Variants in CACNA2D1 observed in about 807,000 individuals in gnomAD.
CACNA2D1 encodes voltage-dependent calcium channel subunit alpha-2/delta-1.
CACNA2D1 carries 53 observed loss-of-function variants against 171.5 expected under a neutral mutation model. The observed-to-expected ratio is 0.31, with a 90% CI of 0.25 to 0.39. The LOEUF (loss-of-function observed/expected upper bound fraction) is 0.39. Ranked by LOEUF, CACNA2D1 falls within the 10% of genes least tolerant of loss-of-function variation. The probability of loss-of-function intolerance (pLI) is 1.00; values close to 1 mark genes in which losing one functional copy is unlikely to be tolerated. For synonymous variants in CACNA2D1, 442 were observed against 443.1 expected (o/e 1.00, Z 0.03); for missense variants, 903 against 1,299.8 (o/e 0.69, Z 4.69).
At chr7:82,020,722 C>T (rs1801085917) in intron 12 of CACNA2D1, 1 of 151,932 alleles carries the variant, frequency 6.6e-6, no homozygotes, top group African/African-American at 2.4e-5. Flanking sequence ...GCAACAAACT[C>T]TAATGAAAAA....
In CACNA2D1 at chr7:82,414,464, G is replaced by A. The variant is rs77947737; in HGVS notation, c.95+28901C>T. 2.9e-3 allele frequency among the ~76,000 whole-genome samples: 445 copies of A among 152,216 alleles called. 3 individuals carry two copies. The highest frequency in any genetic ancestry group is 0.01 in the African/African-American group (417 of 41,542). Reference sequence around the variant, plus strand: ...GTGGTTAAGGAAACATGAAACAAACGTGGCGAAAGAAATAAATAGTGGGAA... The same window carrying A: ...GTGGTTAAGGAAACATGAAACAAACATGGCGAAAGAAATAAATAGTGGGAA... On this transcript the variant is annotated intron_variant, in intron 1 of 38. Transcript: ENST00000356860.
At chr7:82,314,313 T>C (rs1373222757) in intron 3 of CACNA2D1, among the ~76,000 whole-genome samples, 1 of 152,212 alleles carries the variant, frequency 6.6e-6, no homozygotes, top group African/African-American at 2.4e-5. Flanking sequence ...ACTCAACTTG[T>C]ATTCACAATG....
At chr7:82,430,387 C>T (rs1260006557) in intron 1 of CACNA2D1, among the ~76,000 whole-genome samples, 1 of 144,352 alleles carries the variant, frequency 6.9e-6, no homozygotes, top group Non-Finnish European at 1.5e-5. Flanking sequence ...AGTTGCACTC[C>T]AGCCTGGGTG....
intron 3 of CACNA2D1, among the ~76,000 whole-genome samples, chr7:82,190,038 A>G (rs1236616779): frequency 2.0e-5 from 3 of 151,950 alleles, no homozygotes; most frequent in Non-Finnish European, 2.9e-5. Flanking sequence ...CTTTGCCTTG[A>G]AACAATTCTG....
At chr7:82,219,998 GT>G in intron 3 of CACNA2D1, among the ~76,000 whole-genome samples, 1 of 151,984 alleles carries the variant, frequency 6.6e-6, no homozygotes, top group East Asian at 1.9e-4. Context: ...TAGATTCACT[GT>G]TTTTTTCCAT....
intron 6 of CACNA2D1, among the ~76,000 whole-genome samples, chr7:82,110,705 T>G (rs185958272): frequency 6.0e-4 from 91 of 152,276 alleles, no homozygotes; most frequent in East Asian, 1.5e-3. Flanking sequence ...TCTGTTTCCA[T>G]GGCCACAGCC....
At position 82,236,130 on chromosome 7, in the gene CACNA2D1, A is replaced by G. The variant is rs937250841; in HGVS notation, c.295-65521T>C. Among the ~76,000 whole-genome samples, 3 of 152,124 alleles carry G rather than the reference A, an allele frequency of 2.0e-5. No homozygotes were observed. The East Asian group carries it at 5.8e-4, about 29-fold the overall frequency. On this transcript the variant is annotated intron_variant, in intron 3 of 38. Coordinates refer to ENST00000356860, the MANE Select transcript of CACNA2D1 (RefSeq NM_000722.4). ...AGCACTTCCTTGTCGAGGGAAACCA[A>G]TATTTGAAAAGAAAAAGCAACCACG...
intron 3 of CACNA2D1, among the ~76,000 whole-genome samples, chr7:82,229,941 T>A (rs975924296): frequency 1.3e-5 from 2 of 152,212 alleles, no homozygotes; most frequent in Non-Finnish European, 2.9e-5. Context: ...CACAAAAATG[T>A]AGGTGAAGGA....
At chr7:82,065,756 T>C (rs1054197269) in intron 8 of CACNA2D1, among the ~76,000 whole-genome samples, 7 of 152,164 alleles carry the variant, frequency 4.6e-5, no homozygotes, top group African/African-American at 1.7e-4. Context: ...ATGTGTCTTT[T>C]CTCATGAATA....
chr7:82,387,545 A>C (rs556534465), intron 1 of CACNA2D1, among the ~76,000 whole-genome samples: 62 of 152,240 alleles, frequency 4.1e-4, no homozygotes, highest in African/African-American at 1.4e-3. Flanking sequence ...AAGGGTGATA[A>C]ATTTTATTTA....
At chr7:82,337,991 G>A (rs112963395) in intron 2 of CACNA2D1, among the ~76,000 whole-genome samples, 655 of 152,070 alleles carry the variant, frequency 4.3e-3, no homozygotes, top group Middle Eastern at 0.017. Context: ...CTAGATTATG[G>A]TTTGTGAGAT....
intron 1 of CACNA2D1, among the ~76,000 whole-genome samples, chr7:82,415,921 T>C (rs548066020): frequency 1.2e-4 from 18 of 151,954 alleles, no homozygotes; most frequent in African/African-American, 4.1e-4. Flanking sequence ...ATTTTAGAAT[T>C]CCTTTAGAAT....
At chr7:81,959,966 G>A in intron 36 of CACNA2D1, 137 bp from the exon 37 acceptor site, 1 of 1,345,868 alleles carries the variant, frequency 7.4e-7, no homozygotes, top group Non-Finnish European at 1.0e-6. Context: ...CACAATAGGA[G>A]TATGATTTTA....
intron 17 of CACNA2D1, 30 bp from the exon 18 acceptor site, chr7:82,005,527 A>C (rs1261402053): frequency 2.9e-6 from 4 of 1,368,180 alleles, no homozygotes; most frequent in Non-Finnish European, 3.1e-6. Flanking sequence ...AAAAGCTTGG[A>C]TATGCCTGAG....
chr7:82,297,188 C>T (rs1055515013), intron 3 of CACNA2D1, among the ~76,000 whole-genome samples: 2 of 151,714 alleles, frequency 1.3e-5, no homozygotes, highest in Non-Finnish European at 2.9e-5. Flanking sequence ...GAGGCTGAGG[C>T]TGCAGTGAGC....
At chr7:82,101,328 C>T (rs1026290085) in intron 6 of CACNA2D1, among the ~76,000 whole-genome samples, 1 of 152,112 alleles carries the variant, frequency 6.6e-6, no homozygotes, top group Non-Finnish European at 1.5e-5. Flanking sequence ...AGAAGGTCTA[C>T]ATTTGGCATG....
intron 4 of CACNA2D1, among the ~76,000 whole-genome samples, chr7:82,145,844 A>G (rs1792974265): frequency 6.6e-6 from 1 of 151,404 alleles, no homozygotes; most frequent in African/African-American, 2.4e-5. Context: ...AATCTACATT[A>G]AAATATAAAT....
chr7:82,119,020 T>C (rs758107506), intron 5 of CACNA2D1, among the ~76,000 whole-genome samples: 2 of 152,194 alleles, frequency 1.3e-5, no homozygotes, highest in South Asian at 2.1e-4. Flanking sequence ...TATGGCAGTA[T>C]ATTTTTAATT....
intron 29 of CACNA2D1, among the ~76,000 whole-genome samples, chr7:81,968,552 G>A (rs983962341): frequency 2.6e-5 from 4 of 151,100 alleles, no homozygotes; most frequent in South Asian, 2.1e-4. Flanking sequence ...AACTTTGTAC[G>A]TATTTTAAAG....
Sources: gnomAD v4.1 joint callset for allele counts (sites outside exome capture counted in the v4.1 genomes callset) on GRCh38, gnomAD v4.1.1 for gene constraint, MANE v1.5 for transcripts, NCBI Gene and HGNC (gene_info 2026-07-23, HGNC 2026-07-21) for gene names.